ZNF875: variants seen among roughly 807,000 people sequenced by gnomAD.
ZNF875 encodes HKR1, GLI-Kruppel zinc finger family member.
In ZNF875, 14 loss-of-function variants were observed where a neutral mutation model predicts 11.2. The ratio of observed to expected loss-of-function variants is 1.26; its 90% CI spans 0.83 to 1.96. The LOEUF (loss-of-function observed/expected upper bound fraction) is 1.96. Ranked by LOEUF, ZNF875 falls within the 30% of genes most tolerant of loss-of-function variation. ZNF875 has a pLI of 0.00. For synonymous variants in ZNF875, 301 were observed against 281.1 expected, an observed-to-expected ratio of 1.07 and a Z score of -0.71; for missense variants, 752 against 760.4, an observed-to-expected ratio of 0.99 and a Z score of 0.13.
Position 37,363,567 on chromosome 19 carries a change from A to G in ZNF875, c.1715A>G (p.Lys572Arg). 1.9e-6 allele frequency: 3 copies of G among 1,613,164 alleles called. No individual in the cohort carries two copies. Among genetic ancestry groups the G allele is most frequent in the African/African-American group, 1.3e-5 (1 of 74,898 alleles). ...CRECGQGFCA[K>R]LTLIKHQRAH... ...GAGTGTGGGCAAGGCTTTTGTGCTA[A>G]GTTAACTCTCATTAAACACCAGAGA... Residue 572 changes from lysine (K) to arginine (R), a missense_variant, in exon 5 of 5, where the codon AAG becomes AGG. By Grantham distance (26) the Lys-to-Arg change is conservative. Coordinates refer to ENST00000392153, the MANE Select transcript of ZNF875 (RefSeq NM_001353803.2).
chr19:37,351,534 T>A (rs1285529004), intron 4 of ZNF875, among the ~76,000 whole-genome samples: 1 of 152,194 alleles, frequency 6.6e-6, no homozygotes, highest in Non-Finnish European at 1.5e-5. Context: ...ATAGACCTTC[T>A]TTTCTAATAC....
chr19:37,347,751 G>A, intron 3 of ZNF875, 26 bp from the exon 4 acceptor site: 1 of 1,466,088 alleles, frequency 6.8e-7, no homozygotes, highest in Non-Finnish European at 9.6e-7. Flanking sequence ...AACCAACAAT[G>A]TCCTCATTTT....
Position 37,334,673 on chromosome 19 carries a change from G to C in ZNF875, c.-166G>C, listed in dbSNP as rs1348626137. 5.7e-5 allele frequency: 26 copies of C among 455,936 alleles called. 1 individual carries two copies. In the Admixed American group the frequency reaches 6.1e-4, roughly 11 times the overall value. 28.2% of individuals were successfully genotyped at this position (455,936 alleles called of 1,614,324 possible). A position where few individuals can be genotyped will look rare whatever the true frequency, so the allele number is the denominator to read the frequency against. ...CACTTCCGGTCGGTGGCCCAGGCGC[G>C]TTAAGCTGGTTGGGACCCGGGAAGG... On this transcript the variant is annotated 5_prime_UTR_variant, in exon 1 of 5. Coordinates refer to ENST00000392153, the MANE Select transcript of ZNF875 (RefSeq NM_001353803.2).
chr19:37,317,685 T>A (rs1459601078), upstream of ZNF875, among the ~76,000 whole-genome samples: 1 of 152,252 alleles, frequency 6.6e-6, no homozygotes, highest in Non-Finnish European at 1.5e-5. Context: ...AAGTTTTTGC[T>A]GCGCATGTAG....
rs1177160975 is a variant in ZNF875 at position 37,363,053 on chromosome 19, C to T, written c.1201C>T (p.Gln401Ter). 1 of 1,614,004 alleles carries T rather than the reference C, an allele frequency of 6.2e-7. No individual in the cohort carries two copies. The highest frequency in any genetic ancestry group is 8.5e-7 in the Non-Finnish European group (1 of 1,180,006). Residue 401 changes from glutamine (Q) to a stop codon, truncating the protein, a stop_gained, in exon 5 of 5, where the codon CAA becomes TAA. Coordinates refer to ENST00000392153, the MANE Select transcript of ZNF875 (RefSeq NM_001353803.2). LOFTEE classifies it low-confidence loss of function (END_TRUNC). Reference protein sequence around the residue: ...EKPYICRECEQGFSQKSHLIR... With the variant: ...EKPYICRECE ...GCCTTACATTTGCAGGGAGTGTGAGCAAGGCTTTAGCCAGAAGTCACACCT... is the reference window on the plus strand; with the variant it reads ...GCCTTACATTTGCAGGGAGTGTGAGTAAGGCTTTAGCCAGAAGTCACACCT...
intron 4 of ZNF875, among the ~76,000 whole-genome samples, chr19:37,352,128 A>AC (rs1299007574): frequency 2.6e-5 from 4 of 151,706 alleles, no homozygotes; most frequent in Non-Finnish European, 5.9e-5. Flanking sequence ...CTTCTTATTG[A>AC]CCTTTTTATC....
In ZNF875 at chr19:37,343,706, T is replaced by G; in HGVS notation, c.34-3484T>G. Reference sequence around the variant, plus strand: ...GCCTCTCAAACATCTGCTTGCATCATGTTTGCTGGTGTCCCACTGGATAAA... The same window carrying G: ...GCCTCTCAAACATCTGCTTGCATCAGGTTTGCTGGTGTCCCACTGGATAAA... On this transcript the variant is annotated intron_variant, in intron 2 of 4. Transcript: ENST00000392153. 1.3e-5 allele frequency among the ~76,000 whole-genome samples: 2 copies of G among 152,126 alleles called. 1 individual carries two copies. Among genetic ancestry groups the G allele is most frequent in the Non-Finnish European group, 2.9e-5 (2 of 68,014 alleles).
chr19:37,325,313 C>G (rs372728389), intron 4 of ZNF875, among the ~76,000 whole-genome samples: 1 of 152,090 alleles, frequency 6.6e-6, no homozygotes, highest in Non-Finnish European at 1.5e-5. Flanking sequence ...CTCCATCCAC[C>G]TCTATTGTGG....
chr19:37,319,350 T>TATATATATATATATATATATATATAC (rs1440387216), intron 1 of ZNF875, among the ~76,000 whole-genome samples: 2 of 141,964 alleles, frequency 1.4e-5, no homozygotes, highest in African/African-American at 2.7e-5. Flanking sequence ...CCGGCATATA[T>TATATATATATATATATATATATATAC]ATATATATAT....
At chr19:37,348,975 A>G (rs1298948544) in intron 4 of ZNF875, among the ~76,000 whole-genome samples, 1 of 152,222 alleles carries the variant, frequency 6.6e-6, no homozygotes, top group Non-Finnish European at 1.5e-5. Flanking sequence ...GGCTAGAAGT[A>G]GAGATGAAGG....
chr19:37,362,430 A>T lies in ZNF875; in HGVS notation c.578A>T (p.Asn193Ile), dbSNP rs773312593. 3 of 1,614,188 alleles carry T rather than the reference A, an allele frequency of 1.9e-6. No individual in the cohort carries two copies. In the East Asian group the frequency reaches 6.7e-5, roughly 36 times the overall value. ...CAGCCAGCACAGTCCAAGGAAGACA[A>T]CACAGTGGTGGATATAGGGTCCAGC... ...EQQPAQSKEDNTVVDIGSSPE... is the reference protein window; with the variant it reads ...EQQPAQSKEDITVVDIGSSPE... The change falls in exon 5 of 5, where the codon AAC becomes ATC. Residue 193 changes from asparagine to isoleucine, a missense_variant. By Grantham distance (149) the Asn-to-Ile change is moderately radical (BLOSUM62 -3). Coordinates refer to ENST00000392153, the MANE Select transcript of ZNF875 (RefSeq NM_001353803.2).
intron 1 of ZNF875, chr19:37,322,181 A>G (rs1276011028): frequency 2.0e-5 from 3 of 152,172 alleles, no homozygotes; most frequent in African/African-American, 4.8e-5. Flanking sequence ...TCTCACCTCA[A>G]TAGGAATCAG....
At chr19:37,343,413 A>G (rs929210889) in intron 2 of ZNF875, among the ~76,000 whole-genome samples, 2 of 151,942 alleles carry the variant, frequency 1.3e-5, no homozygotes, top group Non-Finnish European at 2.9e-5. Context: ...CTTAAAATGA[A>G]ATCATTTTTT....
chr19:37,337,423 A>G (rs2034705328), intron 2 of ZNF875: 1 of 152,178 alleles, frequency 6.6e-6, no homozygotes. Context: ...TGTGGGAAAT[A>G]GTGATTGACT....
At chr19:37,327,072 A>G (rs181102375) in intron 4 of ZNF875, among the ~76,000 whole-genome samples, 3 of 151,438 alleles carry the variant, frequency 2.0e-5, no homozygotes, top group African/African-American at 7.3e-5. Flanking sequence ...GATCCCTGCA[A>G]CCTCTGCCTC....
chr19:37,319,650 A>G (rs2030963659), intron 1 of ZNF875, among the ~76,000 whole-genome samples: 1 of 152,024 alleles, frequency 6.6e-6, no homozygotes, highest in African/African-American at 2.4e-5. Context: ...AGCATTAGCC[A>G]CTAATGTTTC....
At chr19:37,357,593 G>A (rs1434326400) in intron 4 of ZNF875, among the ~76,000 whole-genome samples, 2 of 152,016 alleles carry the variant, frequency 1.3e-5, no homozygotes, top group African/African-American at 4.8e-5. Flanking sequence ...GTTTGCATTC[G>A]TGTGGCTATT....
intron 2 of ZNF875, among the ~76,000 whole-genome samples, chr19:37,338,157 C>CT (rs2034902806): frequency 6.6e-6 from 1 of 152,208 alleles, no homozygotes; most frequent in Non-Finnish European, 1.5e-5. Flanking sequence ...GAGTCATGCT[C>CT]TGTCACCCAG....
chr19:37,363,294 C>G lies in ZNF875; in HGVS notation c.1442C>G (p.Thr481Arg). Reference protein sequence around the residue: ...SHTGEKPFVCTECGRGFTRKS... With the variant: ...SHTGEKPFVCRECGRGFTRKS... ...ACGGGGGAGAAGCCATTTGTATGTA[C>G]GGAGTGTGGGCGAGGCTTTACCCGG... Residue 481 changes from threonine (T) to arginine (R), a missense_variant, in exon 5 of 5, where the codon ACG becomes AGG. Thr to Arg is a moderately conservative substitution (Grantham distance 71, BLOSUM62 -1). Transcript: ENST00000392153. The G allele has an allele frequency of 6.2e-7, 1 of 1,611,448 alleles. No individual in the cohort carries two copies. The highest frequency in any genetic ancestry group is 8.5e-7 in the Non-Finnish European group (1 of 1,178,900).
Sources: allele counts gnomAD v4.1 joint callset (sites outside exome capture counted in the v4.1 genomes callset), GRCh38; gene constraint gnomAD v4.1.1; transcripts MANE v1.5; gene names NCBI Gene and HGNC (gene_info 2026-07-23, HGNC 2026-07-21).